Variants in MYO3B observed in about 807,000 individuals in gnomAD.
The protein encoded by MYO3B is myosin-IIIb.
Under a neutral mutation model 174.6 loss-of-function variants are expected in MYO3B, and 156 were observed. The ratio of observed to expected loss-of-function variants is 0.89; its 90% CI spans 0.78 to 1.02. The LOEUF (loss-of-function observed/expected upper bound fraction) is 1.02. Ranked by LOEUF, MYO3B falls within the 50% of genes least tolerant of loss-of-function variation. MYO3B has a pLI of 0.00. For missense variants in MYO3B, 1,632 were observed against 1,639.4 expected (o/e 1.00, Z 0.08); for synonymous variants, 563 against 569.1 (o/e 0.99, Z 0.15).
At chr2:170,328,913 C>A (rs150002592) in intron 7 of MYO3B, among the ~76,000 whole-genome samples, 1,593 of 152,024 alleles carry the variant, frequency 0.01, 25 homozygotes, top group African/African-American at 0.037. Flanking sequence ...GCCTGTAATC[C>A]CAGCACTTTG....
At chr2:170,551,073 A>G (rs1690847386) in intron 32 of MYO3B, among the ~76,000 whole-genome samples, 2 of 150,676 alleles carry the variant, frequency 1.3e-5, no homozygotes, top group South Asian at 4.2e-4. Context: ...TTTTTTTTGT[A>G]TTTTTTTGTA....
At chr2:170,307,383 A>T (rs1270602498) in intron 7 of MYO3B, among the ~76,000 whole-genome samples, 2 of 152,196 alleles carry the variant, frequency 1.3e-5, no homozygotes, top group Non-Finnish European at 2.9e-5. Context: ...CAAACAGATA[A>T]CGAATTGTGT....
chr2:170,414,099 T>C (rs529282991), intron 22 of MYO3B, among the ~76,000 whole-genome samples: 2 of 152,292 alleles, frequency 1.3e-5, no homozygotes, highest in African/African-American at 2.4e-5. Flanking sequence ...TGCACCATTG[T>C]CAAAAATCAA....
At chr2:170,193,629 T>A (rs115216322) in intron 1 of MYO3B, among the ~76,000 whole-genome samples, 6,868 of 152,248 alleles carry the variant, frequency 0.045, 228 homozygotes, top group Non-Finnish European at 0.067. Context: ...TGTGTTCATA[T>A]GAGTAAGTGT....
chr2:170,434,490 T>C (rs991560826), intron 22 of MYO3B, among the ~76,000 whole-genome samples: 3 of 152,142 alleles, frequency 2.0e-5, no homozygotes, highest in Non-Finnish European at 4.4e-5. Context: ...GCTGTGTCAT[T>C]CCCCTATTGG....
chr2:170,539,173 A>G (rs893817894), intron 30 of MYO3B, among the ~76,000 whole-genome samples: 8 of 152,168 alleles, frequency 5.3e-5, no homozygotes, highest in African/African-American at 1.9e-4. Context: ...CAGAATACTG[A>G]CTTTTTCAGA....
chr2:170,347,388 G>C (rs772820003), intron 8 of MYO3B, among the ~76,000 whole-genome samples: 2 of 152,108 alleles, frequency 1.3e-5, no homozygotes, highest in Non-Finnish European at 2.9e-5. Flanking sequence ...GATCACTTGA[G>C]GTCAGGAGTT....
chr2:170,655,029 T>G lies in MYO3B; in HGVS notation c.*1908T>G, dbSNP rs1309376019. The G allele has an allele frequency of 1.3e-5, 2 of 152,190 alleles. No homozygotes were observed. The highest frequency in any genetic ancestry group is 2.9e-5 in the Non-Finnish European group (2 of 68,024). The allele number at this position is 152,190 out of a possible 1,614,324, so 9.4% of individuals were successfully genotyped here. On this transcript the variant is annotated 3_prime_UTR_variant, in exon 35 of 35. Transcript: ENST00000408978. The stretch of plus-strand genomic sequence containing the variant: ...TTTGTCACTGATTGTCTACTTTTGG[T>G]TTGATAATATGAGCTGCTTTTCAAA...
chr2:170,594,489 A>G (rs1050427580), intron 32 of MYO3B, among the ~76,000 whole-genome samples: 1 of 152,162 alleles, frequency 6.6e-6, no homozygotes, highest in African/African-American at 2.4e-5. Context: ...TGTTGGGTAA[A>G]CACATTTGCA....
At chr2:170,478,923 C>T (rs1200134662) in intron 25 of MYO3B, among the ~76,000 whole-genome samples, 1 of 146,428 alleles carries the variant, frequency 6.8e-6, no homozygotes, top group African/African-American at 2.5e-5. Context: ...CACACACACA[C>T]ACTAAACCTA....
At chr2:170,285,818 T>TA (rs770839868) in intron 7 of MYO3B, among the ~76,000 whole-genome samples, 1 of 151,662 alleles carries the variant, frequency 6.6e-6, no homozygotes. Context: ...TTTTTTTTTT[T>TA]ACAAGTTTTA....
At chr2:170,269,044 G>C (rs1277184830) in intron 7 of MYO3B, among the ~76,000 whole-genome samples, 1 of 152,150 alleles carries the variant, frequency 6.6e-6, no homozygotes. Context: ...ATTGAGGTGG[G>C]GCAGTTCTGC....
rs139550378 is a variant in MYO3B, at chr2:170,466,736, C to T, written c.3014+25C>T. 736 of 1,608,076 alleles carry T rather than the reference C, an allele frequency of 4.6e-4. 8 individuals are homozygous for T. In the African/African-American group the frequency reaches 8.2e-3, roughly 18 times the overall value. The stretch of plus-strand genomic sequence containing the variant: ...GGTCAGACCGTCATCTACGGGAATG[C>T]ATTCTTATAAATGTAGCTCTACTCT... On this transcript the variant is annotated intron_variant, in intron 25 of 34. Transcript: ENST00000408978.
intron 3 of MYO3B, among the ~76,000 whole-genome samples, chr2:170,205,780 G>A (rs902456881): frequency 1.3e-5 from 2 of 151,898 alleles, no homozygotes; most frequent in Non-Finnish European, 2.9e-5. Flanking sequence ...TCCTCCATCT[G>A]CTGACCAAAT....
At chr2:170,585,335 T>TC (rs1047800493) in intron 32 of MYO3B, among the ~76,000 whole-genome samples, 16 of 151,656 alleles carry the variant, frequency 1.1e-4, no homozygotes, top group African/African-American at 3.6e-4. Context: ...GTTTCAGGAG[T>TC]CACTTGAGCA....
intron 32 of MYO3B, among the ~76,000 whole-genome samples, chr2:170,628,389 G>A (rs529384574): frequency 1.4e-4 from 22 of 152,306 alleles, no homozygotes; most frequent in South Asian, 6.2e-4. Context: ...TGCTAAGACC[G>A]TTGGAAAAGC....
chr2:170,258,275 C>T (rs2095866626), intron 7 of MYO3B, among the ~76,000 whole-genome samples: 1 of 152,028 alleles, frequency 6.6e-6, no homozygotes, highest in South Asian at 2.1e-4. Context: ...AAACGTCAGG[C>T]CAGTATCCCT....
At chr2:170,537,221 A>G in intron 30 of MYO3B, among the ~76,000 whole-genome samples, 1 of 147,426 alleles carries the variant, frequency 6.8e-6, no homozygotes, top group Admixed American at 6.8e-5. Flanking sequence ...AAAAACAAAA[A>G]ACAAAAAGTA....
At chr2:170,307,013 C>G (rs2093705056) in intron 7 of MYO3B, among the ~76,000 whole-genome samples, 2 of 151,774 alleles carry the variant, frequency 1.3e-5, no homozygotes, top group East Asian at 3.9e-4. Context: ...TATAATTTTC[C>G]TTTTATTTCA....
Sources: gnomAD v4.1 joint callset for allele counts (sites outside exome capture counted in the v4.1 genomes callset) on GRCh38, gnomAD v4.1.1 for gene constraint, MANE v1.5 for transcripts, NCBI Gene and HGNC (gene_info 2026-07-23, HGNC 2026-07-21) for gene names.